The following DAAM2 variants were observed in gnomAD, a reference collection of about 807,000 sequenced individuals.
DAAM2 encodes dishevelled associated activator of morphogenesis 2, also known as disheveled-associated activator of morphogenesis 2.
DAAM2 carries 39 observed loss-of-function variants against 120.7 expected under a neutral mutation model. That is an observed-to-expected ratio of 0.32 (90% confidence interval 0.25 to 0.42). The LOEUF (loss-of-function observed/expected upper bound fraction) is 0.42. DAAM2 is among the 10% of genes least tolerant of loss of function. The pLI is 1.00. For missense variants in DAAM2, 1,283 were observed against 1,401.7 expected (o/e 0.92, Z 1.35); for synonymous variants, 488 against 524.9 (o/e 0.93, Z 0.96).
At chr6:39,820,616 A>G (rs1015460465) in intron 1 of DAAM2, 3 of 152,192 alleles carry the variant, frequency 2.0e-5, no homozygotes, top group Non-Finnish European at 4.4e-5. Flanking sequence ...GAATGTGGAA[A>G]ATACTAAAAA....
chr6:39,798,896 G>C (rs969486733), intron 1 of DAAM2, among the ~76,000 whole-genome samples: 5 of 151,984 alleles, frequency 3.3e-5, no homozygotes, highest in Admixed American at 2.6e-4. Flanking sequence ...CATTACCGTC[G>C]AGGAAGGACC....
intron 6 of DAAM2, 186 bp from the exon 7 acceptor site, chr6:39,868,637 G>A (rs867542422): frequency 1.7e-5 from 10 of 587,562 alleles, no homozygotes; most frequent in Non-Finnish European, 3.1e-5. Flanking sequence ...TGAGGTGAGA[G>A]GCAAGGGAAT....
intron 1 of DAAM2, among the ~76,000 whole-genome samples, chr6:39,844,999 A>G (rs1271260768): frequency 6.8e-6 from 1 of 146,362 alleles, no homozygotes; most frequent in Non-Finnish European, 1.5e-5. Flanking sequence ...CACTACACAC[A>G]CCACACATAC....
chr6:39,903,748 CGGG>C lies in DAAM2; in HGVS notation c.*1716_*1718del, dbSNP rs3215717. The C allele has an allele frequency of 6.0e-6, 1 of 168,062 alleles. No homozygotes were observed. The highest frequency in any genetic ancestry group is 2.4e-5 in the African/African-American group (1 of 41,494). 10.4% of individuals were successfully genotyped at this position (168,062 alleles called of 1,614,324 possible). A position where few individuals can be genotyped will look rare whatever the true frequency, so the allele number is the denominator to read the frequency against. ...CCTGGGGCTGGGACCGTAGTAGCTGCGGGGGGGAAGAAACACAGGGTCGGTGAG... is the reference window on the plus strand; with the variant it reads ...CCTGGGGCTGGGACCGTAGTAGCTGCGGGGAAGAAACACAGGGTCGGTGAG... On this transcript the variant is annotated 3_prime_UTR_variant, in exon 25 of 25. Coordinates refer to ENST00000274867, the MANE Select transcript of DAAM2 (RefSeq NM_001201427.2).
intron 1 of DAAM2, among the ~76,000 whole-genome samples, chr6:39,830,132 A>C (rs1382812510): frequency 6.6e-6 from 1 of 152,176 alleles, no homozygotes; most frequent in African/African-American, 2.4e-5. Context: ...TACAGTGCAC[A>C]GTGTCTGGCC....
chr6:39,884,788 A>C (rs1171726096), intron 15 of DAAM2: 1 of 152,422 alleles, frequency 6.6e-6, no homozygotes, highest in Admixed American at 6.5e-5. Flanking sequence ...GGGAATCTGA[A>C]ACTGTGCCGA....
rs752326154 is a variant in DAAM2, at chr6:39,818,182, TA to T, written c.-57+25741del. On this transcript the variant is annotated intron_variant, in intron 1 of 24. Coordinates refer to ENST00000274867, the MANE Select transcript of DAAM2 (RefSeq NM_001201427.2). ...TGACAGAGTGAAACTGCATCTCAATTAAAAAAAAAAAAAAAAAAAAAAAACT... is the reference window on the plus strand; with the variant it reads ...TGACAGAGTGAAACTGCATCTCAATTAAAAAAAAAAAAAAAAAAAAAAACT... Among the ~76,000 whole-genome samples the T allele has an allele frequency of 8.7e-3, 750 of 85,840 alleles. 8 individuals carry two copies. The highest frequency in any genetic ancestry group is 0.035 in the East Asian group (75 of 2,130). The allele number at this position is 85,840 out of a possible 152,430, so 56.3% of individuals were successfully genotyped here.
chr6:39,824,126 A>T (rs564811669), intron 1 of DAAM2, among the ~76,000 whole-genome samples: 2 of 152,312 alleles, frequency 1.3e-5, no homozygotes, highest in East Asian at 3.9e-4. Context: ...TGTGCTACAC[A>T]TTAGTAATTT....
intron 11 of DAAM2, among the ~76,000 whole-genome samples, chr6:39,877,025 C>T (rs1764901949): frequency 1.3e-5 from 2 of 152,238 alleles, no homozygotes. Context: ...CACTACAAAA[C>T]CCAGCTCACT....
chr6:39,867,580 G>A lies in DAAM2; in HGVS notation c.499G>A (p.Ala167Thr), dbSNP rs12663405. The A allele has an allele frequency of 4.3e-6, 7 of 1,613,916 alleles. No homozygotes were observed. The highest frequency in any genetic ancestry group is 2.2e-5 in the East Asian group (1 of 44,896). ...LLNFLRSMDH[A>T]TCESRIHTSL... ...AAATTTCCTCCGGAGCATGGACCAC[G>A]CCACCTGTGAGAGCCGCATCCACAC... Residue 167 changes from alanine to threonine, a missense_variant, in exon 6 of 25, where the codon GCC becomes ACC. Around this residue, in one of 3 missense-constraint regions of DAAM2, gnomAD observed 338 missense variants for 443.9 expected, o/e 0.76. Coordinates refer to ENST00000274867, the MANE Select transcript of DAAM2 (RefSeq NM_001201427.2).
intron 1 of DAAM2, among the ~76,000 whole-genome samples, chr6:39,804,522 C>CTGCG (rs1554166037): frequency 6.0e-5 from 9 of 149,346 alleles, no homozygotes; most frequent in Non-Finnish European, 1.0e-4. Context: ...GAGATCAGTT[C>CTGCG]TGTGTGTGTG....
intron 1 of DAAM2, among the ~76,000 whole-genome samples, chr6:39,805,913 C>T (rs182273163): frequency 2.4e-3 from 359 of 152,268 alleles, no homozygotes; most frequent in Non-Finnish European, 4.1e-3. Flanking sequence ...TCTACCATTA[C>T]GCTGTTCTTA....
chr6:39,883,835 T>C (rs1765247597), intron 14 of DAAM2, 127 bp from the exon 15 acceptor site: 1 of 664,906 alleles, frequency 1.5e-6, no homozygotes, highest in Non-Finnish European at 2.7e-6. Flanking sequence ...GACTACCTTC[T>C]GAAGGTCTGA....
chr6:39,902,227 C>T lies in DAAM2; in HGVS notation c.*190C>T, dbSNP rs1021704595. On this transcript the variant is annotated 3_prime_UTR_variant, in exon 25 of 25. Coordinates refer to ENST00000274867, the MANE Select transcript of DAAM2 (RefSeq NM_001201427.2). ...TTACCTTAAGGGGCTCCTCTTATCT[C>T]CCCTTCACATGATTCCTTCTGTGCC... 2.3e-5 allele frequency: 11 copies of T among 470,468 alleles called. No individual in the cohort carries two copies. The highest frequency in any genetic ancestry group is 2.2e-4 in the African/African-American group (11 of 50,088). 29.1% of individuals were successfully genotyped at this position (470,468 alleles called of 1,614,324 possible). A position where few individuals can be genotyped will look rare whatever the true frequency, so the allele number is the denominator to read the frequency against.
In DAAM2 at chr6:39,896,845, G is replaced by A. The variant is rs1766125838; in HGVS notation, c.2375G>A (p.Ser792Asn). 6.2e-7 allele frequency: 1 copy of A among 1,609,132 alleles called. No individual in the cohort carries two copies. The highest frequency in any genetic ancestry group is 2.2e-5 in the East Asian group (1 of 44,726). The change falls in exon 20 of 25, where the codon AGC becomes AAC. Residue 792 changes from serine to asparagine, a missense_variant. Ser to Asn is a conservative substitution (Grantham distance 46). Coordinates refer to ENST00000274867, the MANE Select transcript of DAAM2 (RefSeq NM_001201427.2). ...ILLASRELVR[S>N]KRLRQMLEVI... is the part of the protein sequence containing the mutation. ...TTGGCCTCCCGGGAGCTGGTCCGCA[G>A]CAAGCGTCTTAGACAGATGCTAGAG...
intron 1 of DAAM2, among the ~76,000 whole-genome samples, chr6:39,848,229 G>A (rs1036588295): frequency 6.6e-6 from 1 of 152,108 alleles, no homozygotes; most frequent in African/African-American, 2.4e-5. Context: ...GCCTGGAGCC[G>A]CACCTCCTTG....
chr6:39,836,640 G>A (rs542674049), intron 1 of DAAM2, among the ~76,000 whole-genome samples: 2 of 152,252 alleles, frequency 1.3e-5, no homozygotes, highest in East Asian at 3.9e-4. Flanking sequence ...CTCTGGGGTG[G>A]GGCCCAGCAA....
chr6:39,816,560 C>A (rs1762316123), intron 1 of DAAM2, among the ~76,000 whole-genome samples: 2 of 152,182 alleles, frequency 1.3e-5, no homozygotes, highest in African/African-American at 4.8e-5. Flanking sequence ...TGATGGGTAG[C>A]CACCCCCAGT....
intron 1 of DAAM2, among the ~76,000 whole-genome samples, chr6:39,818,182 T>TAAA (rs752326154): frequency 1.1e-3 from 94 of 85,832 alleles, no homozygotes; most frequent in Non-Finnish European, 1.3e-3. Flanking sequence ...GCATCTCAAT[T>TAAA]AAAAAAAAAA....
Sources: gnomAD v4.1 joint callset for allele counts (sites outside exome capture counted in the v4.1 genomes callset) on GRCh38, gnomAD v4.1.1 for gene constraint, gnomAD v4.1.1 regional missense constraint, MANE v1.5 for transcripts, NCBI Gene and HGNC (gene_info 2026-07-23, HGNC 2026-07-21) for gene names.